The following NR3C2 variants were observed in gnomAD, a reference collection of about 807,000 sequenced individuals.
The protein encoded by NR3C2 is nuclear receptor subfamily 3 group C member 2.
A neutral mutation model predicts 86.4 loss-of-function variants in NR3C2; 15 were observed. The ratio of observed to expected loss-of-function variants is 0.17; its 90% confidence interval spans 0.12 to 0.27. The LOEUF (loss-of-function observed/expected upper bound fraction) is 0.27. Ranked by LOEUF, NR3C2 falls within the 10% of genes least tolerant of loss-of-function variation. The pLI is 1.00. For missense variants in NR3C2, 960 were observed against 1,195.6 expected (o/e 0.80, Z 2.91); for synonymous variants, 458 against 450.5 (o/e 1.02, Z -0.21).
At chr4:148,134,641 CTCTTTTTTTT>C (rs1409316381) in intron 6 of NR3C2, among the ~76,000 whole-genome samples, 11 of 60,966 alleles carry the variant, frequency 1.8e-4, no homozygotes, top group Admixed American at 7.0e-4. Flanking sequence ...CTCTCTCTCT[CTCTTTTTTTT>C]TTTTTTTTTT....
intron 2 of NR3C2, among the ~76,000 whole-genome samples, chr4:148,413,616 C>T (rs1455480105): frequency 6.6e-6 from 1 of 151,974 alleles, no homozygotes; most frequent in Non-Finnish European, 1.5e-5. Flanking sequence ...CAGATTAATA[C>T]CTTTGACAAA....
At chr4:148,120,057 T>C (rs1732445461) in intron 7 of NR3C2, 101 bp downstream of exon 7, 1 of 1,503,878 alleles carries the variant, frequency 6.6e-7, no homozygotes, top group African/African-American at 1.4e-5. Flanking sequence ...GGTTTGTTTT[T>C]GTTTTGGTAC....
chr4:148,127,731 G>A (rs1411288457), intron 6 of NR3C2, among the ~76,000 whole-genome samples: 3 of 152,188 alleles, frequency 2.0e-5, no homozygotes, highest in Admixed American at 1.3e-4. Context: ...TGGGTCTAGA[G>A]ACCCATTCCA....
chr4:148,241,514 G>T (rs567155314), intron 3 of NR3C2, among the ~76,000 whole-genome samples: 3 of 151,722 alleles, frequency 2.0e-5, no homozygotes, highest in Non-Finnish European at 4.4e-5. Flanking sequence ...CCTTTGCACC[G>T]TGCCAGGGCA....
chr4:148,178,536 T>A (rs138613678), intron 4 of NR3C2, among the ~76,000 whole-genome samples: 1 of 151,850 alleles, frequency 6.6e-6, no homozygotes, highest in African/African-American at 2.4e-5. Flanking sequence ...TATGGGTTTG[T>A]AGTAGAGATG....
chr4:148,130,830 T>G (rs1242720607), intron 6 of NR3C2, among the ~76,000 whole-genome samples: 17 of 144,152 alleles, frequency 1.2e-4, no homozygotes, highest in South Asian at 1.1e-3. Flanking sequence ...TTTTTTTTTT[T>G]TTTTTTTTTT....
At chr4:148,379,230 T>C (rs1746835277) in intron 2 of NR3C2, among the ~76,000 whole-genome samples, 1 of 151,880 alleles carries the variant, frequency 6.6e-6, no homozygotes, top group Non-Finnish European at 1.5e-5. Context: ...AATAATTCAA[T>C]TTAGGGATGT....
chr4:148,235,261 A>ATT (rs1483530995), intron 3 of NR3C2, among the ~76,000 whole-genome samples: 3 of 118,722 alleles, frequency 2.5e-5, no homozygotes, highest in African/African-American at 5.9e-5. Context: ...TTAAGTGGCA[A>ATT]TTATATATAT....
At chr4:148,176,127 G>C (rs1383227667) in intron 4 of NR3C2, among the ~76,000 whole-genome samples, 1 of 152,198 alleles carries the variant, frequency 6.6e-6, no homozygotes, top group Non-Finnish European at 1.5e-5. Context: ...ATGAAAGAAA[G>C]TCAGCTGCTA....
intron 2 of NR3C2, among the ~76,000 whole-genome samples, chr4:148,343,851 G>T (rs1443598947): frequency 6.6e-6 from 1 of 152,028 alleles, no homozygotes; most frequent in Non-Finnish European, 1.5e-5. Flanking sequence ...AGAATCTTGG[G>T]GTTAAATTAC....
chr4:148,320,423 A>T lies in NR3C2; in HGVS notation c.1758-60306T>A, dbSNP rs540960970. On this transcript the variant is annotated intron_variant, in intron 2 of 8. Transcript: ENST00000358102. The stretch of plus-strand genomic sequence containing the variant: ...GTTAGGGAGGATTCCCTCTTTTTCT[A>T]TTGATTGGAATAGTTTCAGAAGGAA... Among the ~76,000 whole-genome samples, 10 of 124,986 alleles carry T rather than the reference A, an allele frequency of 8.0e-5. No individual in the cohort carries two copies. The East Asian group carries it at 2.1e-3, about 26-fold the overall frequency. 82.0% of individuals were successfully genotyped at this position (124,986 alleles called of 152,430 possible).
chr4:148,335,805 TA>T (rs1231613236), intron 2 of NR3C2, among the ~76,000 whole-genome samples: 7 of 152,010 alleles, frequency 4.6e-5, no homozygotes, highest in Admixed American at 3.9e-4. Flanking sequence ...TCTGAGACTT[TA>T]AGAAAATCAT....
chr4:148,178,823 T>C (rs1029843011), intron 4 of NR3C2, among the ~76,000 whole-genome samples: 1 of 149,778 alleles, frequency 6.7e-6, no homozygotes, highest in African/African-American at 2.4e-5. Context: ...CACTGAGAGA[T>C]AGGCAGAGAG....
At chr4:148,366,700 T>C (rs1746161446) in intron 2 of NR3C2, among the ~76,000 whole-genome samples, 1 of 152,032 alleles carries the variant, frequency 6.6e-6, no homozygotes, top group South Asian at 2.1e-4. Flanking sequence ...TTCTGCTTTA[T>C]TTTCTCTTTC....
intron 4 of NR3C2, among the ~76,000 whole-genome samples, chr4:148,191,239 G>A (rs1736181662): frequency 6.6e-6 from 1 of 152,128 alleles, no homozygotes; most frequent in African/African-American, 2.4e-5. Flanking sequence ...CTTCATATGT[G>A]ATACTTAGTT....
intron 2 of NR3C2, among the ~76,000 whole-genome samples, chr4:148,295,213 C>T (rs958368881): frequency 1.4e-4 from 21 of 152,034 alleles, no homozygotes; most frequent in African/African-American, 4.6e-4. Flanking sequence ...ATAAGCTACA[C>T]TGTCAGATCT....
intron 2 of NR3C2, among the ~76,000 whole-genome samples, chr4:148,275,938 A>G (rs144977347): frequency 1.3e-5 from 2 of 152,294 alleles, no homozygotes; most frequent in African/African-American, 4.8e-5. Flanking sequence ...ATAATGTATG[A>G]CACATTATGT....
chr4:148,429,969 T>G (rs1227091026), intron 2 of NR3C2, among the ~76,000 whole-genome samples: 4 of 152,184 alleles, frequency 2.6e-5, no homozygotes, highest in Non-Finnish European at 5.9e-5. Context: ...AGTACTACTT[T>G]GCAGAAAAAC....
intron 7 of NR3C2, 21 bp downstream of exon 7, chr4:148,120,137 C>T: frequency 6.2e-7 from 1 of 1,613,778 alleles, no homozygotes. Context: ...AGAAACAGTG[C>T]CAGAATGGGC....
Sources: gnomAD v4.1 joint callset for allele counts (sites outside exome capture counted in the v4.1 genomes callset) on GRCh38, gnomAD v4.1.1 for gene constraint, MANE v1.5 for transcripts, NCBI Gene and HGNC (gene_info 2026-07-23, HGNC 2026-07-21) for gene names.